The following PDE4D variants were observed in gnomAD, a reference collection of about 807,000 sequenced individuals.
The protein encoded by PDE4D is phosphodiesterase 4D.
In PDE4D, 24 loss-of-function variants were observed where a neutral mutation model predicts 87.4. The observed-to-expected ratio is 0.27, with a 90% confidence interval of 0.20 to 0.39. The LOEUF (loss-of-function observed/expected upper bound fraction) is 0.39, where lower values mean the gene tolerates loss of function less well. Among genes scored for constraint, PDE4D ranks in the 10% least tolerant of loss-of-function variants. The pLI, the probability that PDE4D is intolerant of heterozygous loss-of-function variation, is 1.00. For synonymous variants in PDE4D, 384 were observed against 383.2 expected (o/e 1.00, Z -0.02); for missense variants, 714 against 1,041.0 (o/e 0.69, Z 4.32).
chr5:60,090,358 G>T (rs556221288), intron 2 of PDE4D, among the ~76,000 whole-genome samples: 1 of 152,102 alleles, frequency 6.6e-6, no homozygotes, highest in Non-Finnish European at 1.5e-5. Flanking sequence ...TCCCAGGGTT[G>T]CAGGGATAAT....
intron 1 of PDE4D, among the ~76,000 whole-genome samples, chr5:59,732,253 C>G (rs1757461975): frequency 6.6e-6 from 1 of 151,848 alleles, no homozygotes; most frequent in Non-Finnish European, 1.5e-5. Context: ...TCTGTTTTAC[C>G]TAAGGATTAA....
chr5:59,799,922 A>G (rs994927907), intron 1 of PDE4D, among the ~76,000 whole-genome samples: 1 of 152,212 alleles, frequency 6.6e-6, no homozygotes, highest in African/African-American at 2.4e-5. Context: ...CTTCCCTAGA[A>G]CACATCATCT....
chr5:59,538,594 A>C (rs1815707917), intron 1 of PDE4D, among the ~76,000 whole-genome samples: 1 of 152,134 alleles, frequency 6.6e-6, no homozygotes, highest in Non-Finnish European at 1.5e-5. Flanking sequence ...CCAAGCCATG[A>C]GTACCGGTCT....
chr5:59,054,630 T>C (rs918811841), intron 5 of PDE4D, among the ~76,000 whole-genome samples: 1 of 150,760 alleles, frequency 6.6e-6, no homozygotes, highest in African/African-American at 2.4e-5. Context: ...GAAATGTATA[T>C]ATAGGAACAG....
At chr5:59,649,352 G>A (rs1334523423) in intron 1 of PDE4D, among the ~76,000 whole-genome samples, 2 of 152,186 alleles carry the variant, frequency 1.3e-5, no homozygotes, top group Non-Finnish European at 2.9e-5. Context: ...GAACGTGCTT[G>A]CATGCAGAAG....
At chr5:59,683,294 G>A (rs2150371084) in intron 1 of PDE4D, among the ~76,000 whole-genome samples, 1 of 152,280 alleles carries the variant, frequency 6.6e-6, no homozygotes, top group South Asian at 2.1e-4. Context: ...GTAGTAAAAT[G>A]TTAACATTTG....
intron 5 of PDE4D, among the ~76,000 whole-genome samples, chr5:59,176,487 G>A (rs889295921): frequency 2.0e-5 from 3 of 151,950 alleles, no homozygotes; most frequent in Admixed American, 2.0e-4. Flanking sequence ...CCAGGAGGCG[G>A]AGGTTGCAGT....
intron 1 of PDE4D, among the ~76,000 whole-genome samples, chr5:59,852,267 C>T (rs562227518): frequency 5.9e-5 from 9 of 152,160 alleles, no homozygotes; most frequent in African/African-American, 1.9e-4. Flanking sequence ...GTAGTCCCTT[C>T]CTCACTCTCA....
intron 1 of PDE4D, among the ~76,000 whole-genome samples, chr5:59,602,233 A>G (rs1418370620): frequency 1.3e-5 from 2 of 152,048 alleles, no homozygotes; most frequent in Non-Finnish European, 2.9e-5. Context: ...TTTCATAATA[A>G]AAACCCCTCA....
chr5:59,230,671 G>A (rs919304188), intron 1 of PDE4D, among the ~76,000 whole-genome samples: 14 of 152,064 alleles, frequency 9.2e-5, no homozygotes, highest in South Asian at 4.1e-4. Flanking sequence ...TAATGGATAC[G>A]AAAACTCATA....
chr5:59,160,539 T>C (rs570346775), intron 5 of PDE4D, among the ~76,000 whole-genome samples: 1 of 152,164 alleles, frequency 6.6e-6, no homozygotes, highest in Admixed American at 6.5e-5. Flanking sequence ...AAACAGGATC[T>C]CACTGCGCTG....
intron 1 of PDE4D, among the ~76,000 whole-genome samples, chr5:60,387,846 A>G (rs761886480): frequency 4.6e-5 from 7 of 152,152 alleles, no homozygotes; most frequent in Non-Finnish European, 8.8e-5. Context: ...ACCTGGAGAT[A>G]GCATCAGATC....
chr5:60,454,451 A>G (rs1746319960), intron 1 of PDE4D, among the ~76,000 whole-genome samples: 2 of 152,220 alleles, frequency 1.3e-5, no homozygotes. Flanking sequence ...CATATATACC[A>G]TGGAATACTA....
At chr5:60,026,444 C>A (rs1766628199) in intron 2 of PDE4D, among the ~76,000 whole-genome samples, 1 of 152,074 alleles carries the variant, frequency 6.6e-6, no homozygotes, top group African/African-American at 2.4e-5. Context: ...ATCATAAAAT[C>A]TTTAAAGTGC....
chr5:59,990,470 C>T (rs991072662), intron 2 of PDE4D, among the ~76,000 whole-genome samples: 2 of 152,038 alleles, frequency 1.3e-5, no homozygotes, highest in East Asian at 1.9e-4. Context: ...GGACTCTATC[C>T]AACCTTGGGT....
intron 1 of PDE4D, among the ~76,000 whole-genome samples, chr5:60,443,195 G>C (rs1745378613): frequency 6.6e-6 from 1 of 152,120 alleles, no homozygotes. Context: ...TAATAATTTG[G>C]AGACTGAGAG....
intron 5 of PDE4D, among the ~76,000 whole-genome samples, chr5:59,127,419 TTC>T (rs1397074702): frequency 6.6e-6 from 1 of 152,158 alleles, no homozygotes; most frequent in African/African-American, 2.4e-5. Flanking sequence ...TTTTCCTTCT[TTC>T]TCTCTTTCTT....
At chr5:60,048,971 G>C (rs929773436) in intron 2 of PDE4D, among the ~76,000 whole-genome samples, 3 of 152,090 alleles carry the variant, frequency 2.0e-5, no homozygotes, top group Non-Finnish European at 4.4e-5. Context: ...TTTCCAACTT[G>C]GTCCCATTCT....
At chr5:59,474,501 T>C (rs1487399386) in intron 1 of PDE4D, among the ~76,000 whole-genome samples, 3 of 152,118 alleles carry the variant, frequency 2.0e-5, no homozygotes, top group Admixed American at 1.3e-4. Flanking sequence ...TTTGACCAAT[T>C]ATTTTAAGCA....
Sources: allele counts gnomAD v4.1 joint callset (sites outside exome capture counted in the v4.1 genomes callset), GRCh38; gene constraint gnomAD v4.1.1; transcripts MANE v1.5; gene names NCBI Gene and HGNC (gene_info 2026-07-23, HGNC 2026-07-21).